UBE2Z: variants seen among roughly 807,000 people sequenced by gnomAD.
UBE2Z encodes ubiquitin-conjugating enzyme E2 Z.
Under a neutral mutation model 32.6 loss-of-function variants are expected in UBE2Z, and 10 were observed. That is an observed-to-expected ratio of 0.31 (90% CI 0.19 to 0.52). The LOEUF (loss-of-function observed/expected upper bound fraction) is 0.52. Among genes scored for constraint, UBE2Z ranks in the 20% least tolerant of loss-of-function variants. The probability of loss-of-function intolerance (pLI) is 0.97; values close to 1 mark genes in which losing one functional copy is unlikely to be tolerated. For missense variants in UBE2Z, 343 were observed against 480.9 expected (o/e 0.71, Z 2.68); for synonymous variants, 183 against 190.8 (o/e 0.96, Z 0.34).
chr17:48,927,767 C>G lies in UBE2Z; in HGVS notation c.*633C>G, dbSNP rs558485216. 6.5e-6 allele frequency: 1 copy of G among 152,892 alleles called. No homozygotes were observed. The highest frequency in any genetic ancestry group is 6.5e-5 in the Admixed American group (1 of 15,288). The allele number at this position is 152,892 out of a possible 1,614,324, so 9.5% of individuals were successfully genotyped here. ...TAGGCTGCTGATCAGTAAGCTTTAC[C>G]TAGCACCTGAGCACCTTTCTCCCCT... On this transcript the variant is annotated 3_prime_UTR_variant, in exon 7 of 7. Transcript: ENST00000360943.
intron 6 of UBE2Z, among the ~76,000 whole-genome samples, 193 bp from the exon 7 acceptor site, chr17:48,926,771 G>A (rs896966013): frequency 1.4e-4 from 21 of 152,126 alleles, no homozygotes; most frequent in African/African-American, 3.4e-4. Flanking sequence ...GTGAGCCACC[G>A]CGCCTGGCCC....
intron 6 of UBE2Z, among the ~76,000 whole-genome samples, chr17:48,926,473 TC>T (rs1329410995): frequency 9.2e-6 from 1 of 108,580 alleles, no homozygotes; most frequent in Non-Finnish European, 2.0e-5. Context: ...GGTAAGAGTG[TC>T]TTTTTTTTTT....
Position 48,908,426 on chromosome 17 carries a change from T to G in UBE2Z, c.-78T>G. ...GGGGACACTCTGGCCCGGTTCTCGG[T>G]GGTGCGGGAGCGGGCGGGAGCAGCG... On this transcript the variant is annotated 5_prime_UTR_variant, in exon 1 of 7. Transcript: ENST00000360943. 5.1e-6 allele frequency: 6 copies of G among 1,167,930 alleles called. No homozygotes were observed. Among genetic ancestry groups the G allele is most frequent in the Non-Finnish European group, 6.4e-6 (6 of 933,424 alleles). 72.3% of individuals were successfully genotyped at this position (1,167,930 alleles called of 1,614,324 possible).
Position 48,926,958 on chromosome 17 carries a change from C to A in UBE2Z, c.895-6C>A. ...TCTTCCATCCCCTTGTCTCCTTTCCCCACAGGACCCTTTTGGAGAGAAGCG... is the reference window on the plus strand; with the variant it reads ...TCTTCCATCCCCTTGTCTCCTTTCCACACAGGACCCTTTTGGAGAGAAGCG... On this transcript the variant is annotated splice_region_variant and splice_polypyrimidine_tract_variant and intron_variant, in intron 6 of 6. Coordinates refer to ENST00000360943, the MANE Select transcript of UBE2Z (RefSeq NM_023079.5). 6.2e-7 allele frequency: 1 copy of A among 1,611,398 alleles called. No homozygotes were observed.
chr17:48,921,356 C>T, intron 5 of UBE2Z, 84 bp downstream of exon 5: 1 of 1,021,126 alleles, frequency 9.8e-7, no homozygotes, highest in South Asian at 1.4e-5. Flanking sequence ...GTGTTGGGTA[C>T]CAGAGGGAGA....
intron 4 of UBE2Z, among the ~76,000 whole-genome samples, chr17:48,919,931 C>T (rs1320972075): frequency 6.6e-6 from 1 of 152,142 alleles, no homozygotes; most frequent in Non-Finnish European, 1.5e-5. Flanking sequence ...TTTTGTCCCA[C>T]CATCATTCTT....
intron 3 of UBE2Z, 128 bp from the exon 4 acceptor site, chr17:48,915,948 A>G (rs2040716313): frequency 5.9e-6 from 3 of 509,462 alleles, no homozygotes; most frequent in African/African-American, 2.3e-5. Context: ...AGGCTGGGAA[A>G]TTCCAGAGTA....
At chr17:48,912,136 T>C (rs2040683185) in intron 2 of UBE2Z, 1 of 149,932 alleles carries the variant, frequency 6.7e-6, no homozygotes, top group Non-Finnish European at 1.5e-5. Flanking sequence ...CCCTGAGTCT[T>C]CCCCATTTTC....
intron 4 of UBE2Z, among the ~76,000 whole-genome samples, chr17:48,920,158 A>G (rs992453978): frequency 2.6e-5 from 4 of 152,278 alleles, no homozygotes; most frequent in Non-Finnish European, 5.9e-5. Context: ...ACCACTCTCC[A>G]GCCTGGATGA....
At chr17:48,908,865 G>T in intron 1 of UBE2Z, 45 bp downstream of exon 1, 1 of 1,343,888 alleles carries the variant, frequency 7.4e-7, no homozygotes, top group South Asian at 1.5e-5. Flanking sequence ...TCCGGGGCTC[G>T]ACCTTCCCCG....
intron 6 of UBE2Z, among the ~76,000 whole-genome samples, chr17:48,925,668 G>A (rs2040792718): frequency 6.6e-6 from 1 of 152,184 alleles, no homozygotes; most frequent in South Asian, 2.1e-4. Context: ...GGGATGGGAG[G>A]GAGTACAGCA....
At chr17:48,910,925 G>C in intron 2 of UBE2Z, 45 bp downstream of exon 2, 13 of 1,453,536 alleles carry the variant, frequency 8.9e-6, no homozygotes, top group Non-Finnish European at 1.2e-5. Flanking sequence ...GAAATTGGGG[G>C]CCATAAGGTT....
At chr17:48,924,150 G>A (rs1009910497) in intron 6 of UBE2Z, among the ~76,000 whole-genome samples, 2 of 152,008 alleles carry the variant, frequency 1.3e-5, no homozygotes, top group Non-Finnish European at 2.9e-5. Context: ...GTTTTGTTTT[G>A]TTTGGTTGTA....
intron 4 of UBE2Z, among the ~76,000 whole-genome samples, chr17:48,920,103 G>T (rs565329861): frequency 1.3e-5 from 2 of 152,088 alleles, no homozygotes; most frequent in African/African-American, 4.8e-5. Context: ...GAGGAGCATC[G>T]CTTGAGCCCA....
At position 48,908,456 on chromosome 17, in the gene UBE2Z, C is replaced by T; in HGVS notation, c.-48C>T. 3 of 1,223,588 alleles carry T rather than the reference C, an allele frequency of 2.5e-6. No individual in the cohort carries two copies. Among genetic ancestry groups the T allele is most frequent in the African/African-American group, 1.6e-5 (1 of 64,082 alleles). The allele number at this position is 1,223,588 out of a possible 1,614,324, so 75.8% of individuals were successfully genotyped here. A position where few individuals can be genotyped will look rare whatever the true frequency, so the allele number is the denominator to read the frequency against. On this transcript the variant is annotated 5_prime_UTR_variant, in exon 1 of 7. Coordinates refer to ENST00000360943, the MANE Select transcript of UBE2Z (RefSeq NM_023079.5). ...CGGGAGCGGGCGGGAGCAGCGGCCG[C>T]TCTGGTCGGCGGACGTGCTGCCGAG...
intron 2 of UBE2Z, chr17:48,911,120 T>C: frequency 2.0e-6 from 1 of 512,412 alleles, no homozygotes; most frequent in South Asian, 2.6e-5. Context: ...AGTTCATGTC[T>C]GTTGTCGCAG....
chr17:48,915,586 T>C (rs1398446466), intron 3 of UBE2Z: 1 of 160,288 alleles, frequency 6.2e-6, no homozygotes, highest in East Asian at 1.9e-4. Context: ...TTGACACTCC[T>C]TGGGGGTTTG....
intron 4 of UBE2Z, 71 bp downstream of exon 4, chr17:48,916,258 G>GTT (rs371253123): frequency 4.9e-3 from 2,032 of 415,674 alleles, no homozygotes; most frequent in South Asian, 8.1e-3. Context: ...TGGTTTTTTT[G>GTT]TTTTTTTTTT....
Position 48,908,878 on chromosome 17 carries a change from C to CCCCA in UBE2Z, c.317+62_317+65dup, listed in dbSNP as rs1202231840. On this transcript the variant is annotated intron_variant, in intron 1 of 6. Transcript: ENST00000360943. ...GCTCCGGGGCTCGACCTTCCCCGCC[C>CCCCA]CCCACCCTCTCCCACTACAACTCAC... 8.2e-5 allele frequency: 91 copies of CCCCA among 1,114,140 alleles called. No homozygotes were observed. The East Asian group carries it at 6.9e-3, about 85-fold the overall frequency. 69.0% of individuals were successfully genotyped at this position (1,114,140 alleles called of 1,614,324 possible).
Sources: gnomAD v4.1 joint callset for allele counts (sites outside exome capture counted in the v4.1 genomes callset) on GRCh38, gnomAD v4.1.1 for gene constraint, MANE v1.5 for transcripts, NCBI Gene and HGNC (gene_info 2026-07-23, HGNC 2026-07-21) for gene names.